RAB1A: variants seen among roughly 807,000 people sequenced by gnomAD.
The protein encoded by RAB1A is ras-related protein Rab-1A.
RAB1A carries 2 observed loss-of-function variants against 26.0 expected under a neutral mutation model. That is an observed-to-expected ratio of 0.08 (90% CI 0.03 to 0.24). RAB1A has a LOEUF of 0.24. Among genes scored for constraint, RAB1A ranks in the 10% least tolerant of loss-of-function variants. RAB1A has a pLI of 1.00. For missense variants in RAB1A, 100 were observed against 247.0 expected (o/e 0.40, Z 3.99); for synonymous variants, 84 against 84.9 (o/e 0.99, Z 0.06).
At chr2:65,105,434 G>GTT in intron 1 of RAB1A, 1 of 153,936 alleles carries the variant, frequency 6.5e-6, no homozygotes, top group Non-Finnish European at 1.4e-5. Context: ...GAACCCAGGA[G>GTT]GCAGAGGTTG....
intron 2 of RAB1A, among the ~76,000 whole-genome samples, chr2:65,101,593 C>A (rs982086829): frequency 6.6e-6 from 1 of 151,834 alleles, no homozygotes; most frequent in Non-Finnish European, 1.5e-5. Flanking sequence ...TCCCACCTAC[C>A]GAGAGTTGCT....
At position 65,088,902 on chromosome 2, in the gene RAB1A, C is replaced by T. The variant is rs367884348; in HGVS notation, c.420+37G>A. ...GCAGAACCCATACATAATTCAACAC[C>T]TTCAAATTCAGTATGAAAATTAAAC... On this transcript the variant is annotated intron_variant, in intron 5 of 5. Transcript: ENST00000409784. The T allele has an allele frequency of 2.2e-5, 35 of 1,567,082 alleles. No individual in the cohort carries two copies. The South Asian group carries it at 2.3e-4, about 10-fold the overall frequency.
At chr2:65,126,683 A>G (rs572541966) in intron 1 of RAB1A, among the ~76,000 whole-genome samples, 4 of 152,236 alleles carry the variant, frequency 2.6e-5, no homozygotes, top group Non-Finnish European at 4.4e-5. Context: ...TAGCTAATAT[A>G]CCATTGTTAG....
At chr2:65,089,702 A>ATTTTTTTT (rs58993413) in intron 4 of RAB1A, among the ~76,000 whole-genome samples, 2,010 of 141,704 alleles carry the variant, frequency 0.014, 24 homozygotes, top group Non-Finnish European at 0.022. Context: ...AATTTGATTA[A>ATTTTTTTT]TTTTTTTTTT....
intron 1 of RAB1A, among the ~76,000 whole-genome samples, chr2:65,124,593 A>C (rs1181361887): frequency 6.6e-6 from 1 of 152,098 alleles, no homozygotes; most frequent in East Asian, 1.9e-4. Flanking sequence ...GACTACACGC[A>C]GGCACGACCA....
intron 3 of RAB1A, among the ~76,000 whole-genome samples, chr2:65,095,767 T>C (rs1161623544): frequency 6.7e-6 from 1 of 150,346 alleles, no homozygotes; most frequent in African/African-American, 2.4e-5. Flanking sequence ...ATCCCAGCAC[T>C]TTGGGAGGCC....
chr2:65,104,861 G>A lies in RAB1A; in HGVS notation c.24-55C>T. On this transcript the variant is annotated intron_variant, in intron 1 of 5. Coordinates refer to ENST00000409784, the MANE Select transcript of RAB1A (RefSeq NM_004161.5). ...TAAAAAGCACACTGCATTGCTATAAGCTATACAAAAACAAAAACACAGCTA... is the reference window on the plus strand; with the variant it reads ...TAAAAAGCACACTGCATTGCTATAAACTATACAAAAACAAAAACACAGCTA... The A allele has an allele frequency of 3.7e-6, 5 of 1,355,070 alleles. No homozygotes were observed. The Middle Eastern group carries it at 5.4e-4, about 147-fold the overall frequency. 83.9% of individuals were successfully genotyped at this position (1,355,070 alleles called of 1,614,324 possible).
intron 1 of RAB1A, among the ~76,000 whole-genome samples, chr2:65,126,370 C>G (rs1199484402): frequency 6.6e-6 from 1 of 151,688 alleles, no homozygotes; most frequent in Non-Finnish European, 1.5e-5. Context: ...CAGCCAGGCA[C>G]AGTGGCTCAC....
intron 3 of RAB1A, among the ~76,000 whole-genome samples, chr2:65,094,614 C>T (rs1213338934): frequency 6.7e-6 from 1 of 149,522 alleles, no homozygotes. Context: ...AAAGAAAAAA[C>T]AAGCAAATCA....
chr2:65,097,927 T>TTA, intron 3 of RAB1A, 44 bp downstream of exon 3: 4 of 1,150,426 alleles, frequency 3.5e-6, no homozygotes, highest in Non-Finnish European at 4.9e-6. Flanking sequence ...CATTACAAAT[T>TTA]TACCAAAATA....
Position 65,130,004 on chromosome 2 carries a change from G to A in RAB1A, c.-89C>T. 1 of 1,406,742 alleles carries A rather than the reference G, an allele frequency of 7.1e-7. No individual in the cohort carries two copies. The highest frequency in any genetic ancestry group is 1.2e-5 in the South Asian group (1 of 81,252). 87.1% of individuals were successfully genotyped at this position (1,406,742 alleles called of 1,614,324 possible). A position where few individuals can be genotyped will look rare whatever the true frequency, so the allele number is the denominator to read the frequency against. ...CGCGCCACGGGTAATCGAAAGAAAG[G>A]AATGAGATAGGCTGTTCCGGGAGAG... On this transcript the variant is annotated 5_prime_UTR_variant, in exon 1 of 6. Transcript: ENST00000409784.
rs773238535 is a variant in RAB1A, at chr2:65,129,875, G to T, written c.23+18C>A. ...GCTGGCCCACGGACCCAGCCGACCG[G>T]TGCTCTCCTGAACTCACTATTCGGG... On this transcript the variant is annotated intron_variant, in intron 1 of 5. Transcript: ENST00000409784. The T allele has an allele frequency of 4.4e-6, 7 of 1,592,620 alleles. No homozygotes were observed. The highest frequency in any genetic ancestry group is 6.0e-6 in the Non-Finnish European group (7 of 1,170,640).
intron 2 of RAB1A, among the ~76,000 whole-genome samples, chr2:65,104,212 C>T (rs189109701): frequency 6.6e-6 from 1 of 152,056 alleles, no homozygotes. Context: ...TTGTCCAAGA[C>T]CCTACTTTTT....
At chr2:65,094,824 A>T (rs1669246996) in intron 3 of RAB1A, among the ~76,000 whole-genome samples, 1 of 152,214 alleles carries the variant, frequency 6.6e-6, no homozygotes, top group Admixed American at 6.5e-5. Context: ...AGGCATTTAT[A>T]AAATGTAAGA....
At chr2:65,109,757 C>T (rs972310495) in intron 1 of RAB1A, among the ~76,000 whole-genome samples, 2 of 151,794 alleles carry the variant, frequency 1.3e-5, no homozygotes, top group African/African-American at 2.4e-5. Flanking sequence ...TGAAGATTTA[C>T]AATTGTCACC....
chr2:65,098,111 G>A (rs1669332661), intron 2 of RAB1A, 45 bp from the exon 3 acceptor site: 4 of 1,123,718 alleles, frequency 3.6e-6, no homozygotes, highest in Non-Finnish European at 4.9e-6. Context: ...GTTCAGTGGA[G>A]CAGATGCAAG....
At chr2:65,121,274 AC>A (rs1279086943) in intron 1 of RAB1A, among the ~76,000 whole-genome samples, 3 of 149,534 alleles carry the variant, frequency 2.0e-5, no homozygotes, top group South Asian at 2.1e-4. Flanking sequence ...CGTGGCTGGC[AC>A]CGAGTAAGTG....
intron 1 of RAB1A, among the ~76,000 whole-genome samples, chr2:65,110,397 C>T (rs1225849363): frequency 1.4e-5 from 2 of 145,612 alleles, no homozygotes; most frequent in Non-Finnish European, 3.0e-5. Context: ...GAAGAGATGG[C>T]GCTACTGCAC....
rs1437847353 is a variant in RAB1A at position 65,087,868 on chromosome 2, C to T, written c.*625G>A. The T allele has an allele frequency of 6.6e-6, 1 of 152,656 alleles. No individual in the cohort carries two copies. Among genetic ancestry groups the T allele is most frequent in the Admixed American group, 6.5e-5 (1 of 15,280 alleles). The allele number at this position is 152,656 out of a possible 1,614,324, so 9.5% of individuals were successfully genotyped here. On this transcript the variant is annotated 3_prime_UTR_variant, in exon 6 of 6. Transcript: ENST00000409784. The stretch of plus-strand genomic sequence containing the variant: ...AATCAAAACAATACTTATCACCATA[C>T]AGTTTGATATTACTTCCAATAAGTA...
Sources: allele counts gnomAD v4.1 joint callset (sites outside exome capture counted in the v4.1 genomes callset), GRCh38; gene constraint gnomAD v4.1.1; transcripts MANE v1.5; gene names NCBI Gene and HGNC (gene_info 2026-07-23, HGNC 2026-07-21).